Variants in TMEM114 observed in about 807,000 individuals in gnomAD.
The protein encoded by TMEM114 is claudin-26.
A neutral mutation model predicts 6.2 loss-of-function variants in TMEM114; 6 were observed. The ratio of observed to expected loss-of-function variants is 0.97; its 90% CI spans 0.53 to 1.91. TMEM114 has a LOEUF of 1.91. Among genes scored for constraint, TMEM114 ranks in the 40% most tolerant of loss-of-function variants. The pLI is 0.01. For missense variants in TMEM114, 218 were observed against 158.3 expected (o/e 1.38, Z -2.02); for synonymous variants, 104 against 73.0 (o/e 1.42, Z -2.16).
At chr16:8,561,741 G>C (rs1203191697) in intron 2 of TMEM114, among the ~76,000 whole-genome samples, 1 of 151,596 alleles carries the variant, frequency 6.6e-6, no homozygotes, top group Non-Finnish European at 1.5e-5. Context: ...AAGGCAATGA[G>C]TGGGGGAATG....
At chr16:8,530,437 A>G in the TMEM114 span, among the ~76,000 whole-genome samples, 6 of 152,190 alleles carry the variant, frequency 3.9e-5, no homozygotes, top group Admixed American at 3.9e-4. Context: ...TTCAGCTCCC[A>G]TAATCTAATC....
chr16:8,564,226 T>A (rs1340353218), intron 2 of TMEM114, among the ~76,000 whole-genome samples: 1 of 32,372 alleles, frequency 3.1e-5, no homozygotes, highest in Non-Finnish European at 6.3e-5. Context: ...AGTTAGTGAA[T>A]GAGTGAGTTA....
intron 2 of TMEM114, among the ~76,000 whole-genome samples, chr16:8,552,426 G>A (rs1596472164): frequency 6.6e-6 from 1 of 151,856 alleles, no homozygotes; most frequent in East Asian, 1.9e-4. Context: ...GCTACTTAGA[G>A]CTCCTTTGAG....
At chr16:8,543,350 T>G (rs1900570814) in intron 2 of TMEM114, among the ~76,000 whole-genome samples, 1 of 152,194 alleles carries the variant, frequency 6.6e-6, no homozygotes, top group South Asian at 2.1e-4. Context: ...TTGGTGTCAC[T>G]GGGGATAATT....
intron 2 of TMEM114, among the ~76,000 whole-genome samples, chr16:8,544,615 T>A (rs61692470): frequency 0.013 from 1,949 of 152,346 alleles, 43 homozygotes; most frequent in African/African-American, 0.045. Flanking sequence ...ACGTTGCTGA[T>A]AAGTTTAGAC....
chr16:8,559,685 A>T (rs1241302345), intron 2 of TMEM114, among the ~76,000 whole-genome samples: 2 of 152,190 alleles, frequency 1.3e-5, no homozygotes, highest in Admixed American at 1.3e-4. Context: ...TGTGGGACAG[A>T]CGTCGATGTT....
intron 2 of TMEM114, among the ~76,000 whole-genome samples, chr16:8,547,921 C>T (rs549687111): frequency 1.3e-4 from 20 of 152,262 alleles, no homozygotes; most frequent in African/African-American, 4.8e-4. Flanking sequence ...GGCCTGTGGC[C>T]TGCTCTTTTG....
chr16:8,582,723 C>G (rs187844607), intron 2 of TMEM114, among the ~76,000 whole-genome samples: 1 of 152,136 alleles, frequency 6.6e-6, no homozygotes, highest in African/African-American at 2.4e-5. Context: ...ATCCCCATCT[C>G]TACTAAAAAT....
chr16:8,565,349 AAGTGAATAAATGAATG>A (rs1901505424), downstream of TMEM114, among the ~76,000 whole-genome samples: 3 of 152,188 alleles, frequency 2.0e-5, no homozygotes, highest in African/African-American at 4.8e-5. Flanking sequence ...GGTGGGTGGC[AAGTGAATAAATGAATG>A]AGTGAATAAA....
chr16:8,537,360 G>C (rs1185434112), downstream of TMEM114, among the ~76,000 whole-genome samples: 1 of 151,904 alleles, frequency 6.6e-6, no homozygotes, highest in Non-Finnish European at 1.5e-5. Flanking sequence ...AATTAGCCAA[G>C]CGCGATGGCA....
the TMEM114 span, among the ~76,000 whole-genome samples, chr16:8,530,866 A>T: frequency 6.6e-6 from 1 of 152,098 alleles, no homozygotes; most frequent in African/African-American, 2.4e-5. Context: ...ATCTACTAAA[A>T]ATGCAAAAAT....
the TMEM114 span, among the ~76,000 whole-genome samples, chr16:8,531,247 C>T: frequency 1.3e-5 from 2 of 152,212 alleles, no homozygotes; most frequent in Non-Finnish European, 2.9e-5. Flanking sequence ...CATTGACATT[C>T]TTTATGAGTC....
chr16:8,566,627 T>A (rs62020623), downstream of TMEM114, among the ~76,000 whole-genome samples: 13,625 of 151,726 alleles, frequency 0.09, 795 homozygotes, highest in Middle Eastern at 0.17. Context: ...CCACGGGCCA[T>A]GGGCATCGCC....
downstream of TMEM114, among the ~76,000 whole-genome samples, chr16:8,566,097 A>T (rs1460088941): frequency 6.6e-6 from 1 of 152,190 alleles, no homozygotes; most frequent in Non-Finnish European, 1.5e-5. Context: ...CGGGCCAGGC[A>T]CGGTGGCTCA....
rs1901653632 is a variant in TMEM114, at chr16:8,569,566, A to C, written c.*207T>G. The stretch of plus-strand genomic sequence containing the variant: ...GCACTCCCTCGGGCTCCTCCAGGCC[A>C]CACGGACACACACGGACATAAGCAC... On this transcript the variant is annotated 3_prime_UTR_variant, in exon 4 of 4. Transcript: ENST00000620492. 3 of 1,419,494 alleles carry C rather than the reference A, an allele frequency of 2.1e-6. No homozygotes were observed. The highest frequency in any genetic ancestry group is 2.8e-6 in the Non-Finnish European group (3 of 1,090,080). 87.9% of individuals were successfully genotyped at this position (1,419,494 alleles called of 1,614,324 possible). A position where few individuals can be genotyped will look rare whatever the true frequency, so the allele number is the denominator to read the frequency against.
At position 8,572,072 on chromosome 16, in the gene TMEM114, AG is replaced by A. The variant is rs1567207135; in HGVS notation, c.439+14del. ...CAGACCACAAGCCAGAGCCCTAGGC[AG>A]GGTGGGCACCTACCTCCAAAGAGGA... On this transcript the variant is annotated intron_variant, in intron 3 of 3. Transcript: ENST00000620492. 1.3e-6 allele frequency: 2 copies of A among 1,530,872 alleles called. No individual in the cohort carries two copies. Among genetic ancestry groups the A allele is most frequent in the South Asian group, 1.3e-5 (1 of 79,648 alleles). The allele number at this position is 1,530,872 out of a possible 1,614,324, so 94.8% of individuals were successfully genotyped here.
chr16:8,570,672 G>T (rs1240602936), intron 3 of TMEM114, among the ~76,000 whole-genome samples: 1 of 152,120 alleles, frequency 6.6e-6, no homozygotes, highest in African/African-American at 2.4e-5. Context: ...GTGTCCAGAG[G>T]GCAGACATGC....
At chr16:8,530,907 C>T in the TMEM114 span, among the ~76,000 whole-genome samples, 1 of 152,028 alleles carries the variant, frequency 6.6e-6, no homozygotes, top group Non-Finnish European at 1.5e-5. Context: ...CGCATATAAT[C>T]CCAGCTACTC....
At chr16:8,560,745 T>C (rs1901171734) in intron 2 of TMEM114, among the ~76,000 whole-genome samples, 1 of 152,178 alleles carries the variant, frequency 6.6e-6, no homozygotes, top group African/African-American at 2.4e-5. Context: ...GCCCTCACTA[T>C]GTCTGGGATC....
Sources: allele counts gnomAD v4.1 joint callset (sites outside exome capture counted in the v4.1 genomes callset), GRCh38; gene constraint gnomAD v4.1.1; transcripts MANE v1.5; gene names NCBI Gene and HGNC (gene_info 2026-07-23, HGNC 2026-07-21).